The following DLG2 variants were observed in gnomAD, a reference collection of about 807,000 sequenced individuals.
DLG2 encodes disks large homolog 2.
A neutral mutation model predicts 132.5 loss-of-function variants in DLG2; 45 were observed. The observed-to-expected ratio is 0.34, with a 90% CI of 0.27 to 0.44. The LOEUF (loss-of-function observed/expected upper bound fraction) is 0.44. Ranked by LOEUF, DLG2 falls within the 20% of genes least tolerant of loss-of-function variation. The pLI, the probability that DLG2 is intolerant of heterozygous loss-of-function variation, is 1.00. For synonymous variants in DLG2, 424 were observed against 419.6 expected (o/e 1.01, Z -0.13); for missense variants, 1,045 against 1,196.9 (o/e 0.87, Z 1.87).
At chr11:84,561,783 T>C (rs1394624104) in intron 6 of DLG2, among the ~76,000 whole-genome samples, 7 of 152,156 alleles carry the variant, frequency 4.6e-5, no homozygotes, top group Admixed American at 1.3e-4. Context: ...AGTTAATAAG[T>C]ATCTAGAATA....
chr11:84,474,741 A>T lies in DLG2; in HGVS notation c.519+59829T>A, dbSNP rs201467481. Among the ~76,000 whole-genome samples the T allele has an allele frequency of 3.9e-5, 6 of 152,140 alleles. No individual in the cohort carries two copies. The East Asian group carries it at 9.7e-4, about 25-fold the overall frequency. ...GTAGCACTATTATTTTACAACTATG[A>T]TCTTATGCCACAGTAAATTGTTTAA... is the stretch of plus-strand genomic sequence containing the variant. On this transcript the variant is annotated intron_variant, in intron 7 of 27. Transcript: ENST00000376104.
chr11:83,584,274 T>G (rs118014201), intron 19 of DLG2, among the ~76,000 whole-genome samples: 1 of 152,330 alleles, frequency 6.6e-6, no homozygotes, highest in Non-Finnish European at 1.5e-5. Context: ...GTAGTAGTGT[T>G]TAAAACATTC....
intron 6 of DLG2, among the ~76,000 whole-genome samples, chr11:84,553,980 G>A (rs2099406906): frequency 6.6e-6 from 1 of 152,178 alleles, no homozygotes; most frequent in African/African-American, 2.4e-5. Flanking sequence ...TTCACTTCTA[G>A]AGACTTGGCC....
intron 18 of DLG2, among the ~76,000 whole-genome samples, chr11:83,750,043 A>G (rs773735924): frequency 2.5e-4 from 38 of 152,074 alleles, no homozygotes; most frequent in Non-Finnish European, 5.6e-4. Context: ...GGGAGGGGGA[A>G]CTCTGATTAA....
intron 21 of DLG2, among the ~76,000 whole-genome samples, chr11:83,507,380 G>A (rs962222127): frequency 6.7e-6 from 1 of 148,380 alleles, no homozygotes; most frequent in Non-Finnish European, 1.5e-5. Flanking sequence ...GGGTTCTCTA[G>A]AGGGACAGAA....
At chr11:83,860,225 C>T (rs1396939859) in intron 16 of DLG2, among the ~76,000 whole-genome samples, 6 of 152,112 alleles carry the variant, frequency 3.9e-5, no homozygotes, top group Admixed American at 2.6e-4. Flanking sequence ...CCTCCAGACC[C>T]CAGAATGATA....
intron 6 of DLG2, among the ~76,000 whole-genome samples, chr11:84,776,941 T>C (rs1369691441): frequency 6.6e-6 from 1 of 152,078 alleles, no homozygotes; most frequent in African/African-American, 2.4e-5. Context: ...AATTTTGTTA[T>C]AAGCATAGAT....
chr11:83,689,379 T>C (rs764379172), intron 18 of DLG2, among the ~76,000 whole-genome samples: 6 of 152,134 alleles, frequency 3.9e-5, no homozygotes, highest in Non-Finnish European at 5.9e-5. Context: ...GTACATGTGA[T>C]GGAAAAAAAG....
chr11:84,756,614 A>G lies in DLG2; in HGVS notation c.358-221883T>C, dbSNP rs1281352967. On this transcript the variant is annotated intron_variant, in intron 6 of 27. Transcript: ENST00000376104. ...GAGAATTAAATGTAATATTATGTGT[A>G]GATTCTAGTATACACAAAGTGGATA... 2.0e-5 allele frequency among the ~76,000 whole-genome samples: 3 copies of G among 152,366 alleles called. No individual in the cohort carries two copies. In the East Asian group the frequency reaches 5.8e-4, roughly 29 times the overall value.
At chr11:83,916,875 G>A (rs2077007627) in intron 15 of DLG2, among the ~76,000 whole-genome samples, 1 of 152,114 alleles carries the variant, frequency 6.6e-6, no homozygotes, top group Non-Finnish European at 1.5e-5. Flanking sequence ...ACCACCTGAA[G>A]TCTCTGACCC....
At chr11:85,020,579 T>A (rs1041101764) in intron 6 of DLG2, among the ~76,000 whole-genome samples, 61 of 152,196 alleles carry the variant, frequency 4.0e-4, no homozygotes, top group Admixed American at 4.0e-3. Context: ...TCTTCCAGGA[T>A]TTTTATGGTT....
intron 19 of DLG2, among the ~76,000 whole-genome samples, chr11:83,568,583 T>C (rs2096747170): frequency 6.6e-6 from 1 of 151,932 alleles, no homozygotes; most frequent in South Asian, 2.1e-4. Context: ...AATAACAACA[T>C]TTTAGAGGAA....
intron 6 of DLG2, among the ~76,000 whole-genome samples, chr11:84,706,235 A>G (rs1181004509): frequency 6.6e-6 from 1 of 151,846 alleles, no homozygotes; most frequent in East Asian, 1.9e-4. Context: ...CTTGTTGGCA[A>G]TAAGTAGAAT....
At chr11:84,693,360 C>G (rs893487259) in intron 6 of DLG2, among the ~76,000 whole-genome samples, 2 of 151,616 alleles carry the variant, frequency 1.3e-5, no homozygotes, top group East Asian at 3.9e-4. Context: ...GTTGCTGACT[C>G]GAGTTACCAG....
At chr11:83,484,691 A>G (rs2093386088) in intron 21 of DLG2, among the ~76,000 whole-genome samples, 1 of 152,174 alleles carries the variant, frequency 6.6e-6, no homozygotes, top group Non-Finnish European at 1.5e-5. Context: ...TCTTATCACC[A>G]TCAGGTAGAA....
At chr11:84,531,537 C>T (rs759965229) in intron 7 of DLG2, among the ~76,000 whole-genome samples, 1 of 152,076 alleles carries the variant, frequency 6.6e-6, no homozygotes, top group Non-Finnish European at 1.5e-5. Context: ...TTAGCATAAA[C>T]AACACCTCGA....
chr11:85,079,039 C>T (rs1047381905), intron 6 of DLG2, among the ~76,000 whole-genome samples: 85 of 151,698 alleles, frequency 5.6e-4, no homozygotes, highest in African/African-American at 1.9e-3. Flanking sequence ...GGGTCTGAGA[C>T]ATCAATCAAT....
intron 6 of DLG2, among the ~76,000 whole-genome samples, chr11:85,077,574 G>C (rs781448002): frequency 1.3e-5 from 2 of 151,816 alleles, no homozygotes; most frequent in Non-Finnish European, 1.5e-5. Context: ...ATGGAAAGTT[G>C]AACCTCACTC....
intron 18 of DLG2, among the ~76,000 whole-genome samples, chr11:83,743,856 A>C (rs981214716): frequency 6.6e-6 from 1 of 152,200 alleles, no homozygotes; most frequent in African/African-American, 2.4e-5. Flanking sequence ...GGTAAAGGGC[A>C]GTGAATGTTC....
Sources: gnomAD v4.1 joint callset for allele counts (sites outside exome capture counted in the v4.1 genomes callset) on GRCh38, gnomAD v4.1.1 for gene constraint, MANE v1.5 for transcripts, NCBI Gene and HGNC (gene_info 2026-07-23, HGNC 2026-07-21) for gene names.